KIAA1328: variants seen among roughly 807,000 people sequenced by gnomAD.
KIAA1328 encodes KIAA1328.
Under a neutral mutation model 68.1 loss-of-function variants are expected in KIAA1328, and 52 were observed. The ratio of observed to expected loss-of-function variants is 0.76; its 90% CI spans 0.61 to 0.96. The LOEUF is 0.96. Among genes scored for constraint, KIAA1328 ranks in the 40% least tolerant of loss-of-function variants. KIAA1328 has a pLI of 0.00. For synonymous variants in KIAA1328, 232 were observed against 239.4 expected (o/e 0.97, Z 0.28); for missense variants, 641 against 677.6 (o/e 0.95, Z 0.60).
At chr18:36,944,260 T>C (rs1246808967) in intron 5 of KIAA1328, among the ~76,000 whole-genome samples, 1 of 152,142 alleles carries the variant, frequency 6.6e-6, no homozygotes, top group African/African-American at 2.4e-5. Flanking sequence ...AGCCTCTGTA[T>C]TGAATTTGAA....
intron 7 of KIAA1328, among the ~76,000 whole-genome samples, chr18:37,126,891 T>C (rs1383271134): frequency 6.6e-6 from 1 of 151,968 alleles, no homozygotes; most frequent in Non-Finnish European, 1.5e-5. Context: ...CCATTCATGA[T>C]AAAAAAAATC....
rs33939558 is a variant in KIAA1328, at chr18:37,204,762, C to CA, written c.1524-17237dup. On this transcript the variant is annotated intron_variant, in intron 9 of 9. Coordinates refer to ENST00000280020, the MANE Select transcript of KIAA1328 (RefSeq NM_020776.3). The stretch of plus-strand genomic sequence containing the variant: ...CACATAATTAAAAAGGAGTTTCAGT[C>CA]AAAAAAAAAAAAAAAAAACACCTCT... Among the ~76,000 whole-genome samples the CA allele has an allele frequency of 5.3e-3, 544 of 103,334 alleles. 4 individuals carry two copies. The highest frequency in any genetic ancestry group is 0.012 in the East Asian group (41 of 3,450). 67.8% of individuals were successfully genotyped at this position (103,334 alleles called of 152,430 possible).
Position 37,222,557 on chromosome 18 carries a change from T to G in KIAA1328, c.*330T>G. On this transcript the variant is annotated 3_prime_UTR_variant, in exon 10 of 10. Transcript: ENST00000280020. The stretch of plus-strand genomic sequence containing the variant: ...TTCAAGAGTGTTTCCTTCTCAAACT[T>G]CTGCTAGAAAATGCTGACTCACTTT... 9.1e-7 allele frequency: 1 copy of G among 1,101,668 alleles called. No individual in the cohort carries two copies. Among genetic ancestry groups the G allele is most frequent in the Non-Finnish European group, 1.1e-6 (1 of 902,164 alleles). The allele number at this position is 1,101,668 out of a possible 1,614,324, so 68.2% of individuals were successfully genotyped here. A position where few individuals can be genotyped will look rare whatever the true frequency, so the allele number is the denominator to read the frequency against.
chr18:37,228,832 G>GA (rs961386540), downstream of KIAA1328, among the ~76,000 whole-genome samples: 23 of 146,000 alleles, frequency 1.6e-4, no homozygotes, highest in South Asian at 4.4e-4. Context: ...AAAAAAAAAA[G>GA]AAAAAAAAAA....
chr18:37,224,156 T>C lies in KIAA1328; in HGVS notation c.*1929T>C. On this transcript the variant is annotated 3_prime_UTR_variant, in exon 10 of 10. Transcript: ENST00000280020. Reference sequence around the variant, plus strand: ...CCCCCTGTGTCATGACTAGCTTAAGTGTACTTGACTCCCATAGACTACTCC... The same window carrying C: ...CCCCCTGTGTCATGACTAGCTTAAGCGTACTTGACTCCCATAGACTACTCC... The C allele has an allele frequency of 1.0e-6, 1 of 985,386 alleles. No homozygotes were observed. The highest frequency in any genetic ancestry group is 1.2e-6 in the Non-Finnish European group (1 of 829,920). The allele number at this position is 985,386 out of a possible 1,614,324, so 61.0% of individuals were successfully genotyped here. A position where few individuals can be genotyped will look rare whatever the true frequency, so the allele number is the denominator to read the frequency against.
chr18:36,954,835 C>T (rs2051338469), intron 5 of KIAA1328, among the ~76,000 whole-genome samples: 1 of 151,852 alleles, frequency 6.6e-6, no homozygotes, highest in Non-Finnish European at 1.5e-5. Flanking sequence ...GCTGGGATTA[C>T]AGGCGCCCAC....
chr18:36,864,597 T>TG (rs776638937), intron 4 of KIAA1328, among the ~76,000 whole-genome samples: 1 of 112,828 alleles, frequency 8.9e-6, no homozygotes, highest in Non-Finnish European at 2.2e-5. Flanking sequence ...GTCAGTAGTT[T>TG]TTTTTTTTTT....
chr18:37,142,651 T>A (rs1329822729), intron 7 of KIAA1328, among the ~76,000 whole-genome samples: 1 of 152,050 alleles, frequency 6.6e-6, no homozygotes, highest in East Asian at 1.9e-4. Flanking sequence ...CACACACAGA[T>A]TTATGGACTT....
intron 6 of KIAA1328, among the ~76,000 whole-genome samples, chr18:37,056,936 C>T (rs970545475): frequency 6.6e-6 from 1 of 152,204 alleles, no homozygotes; most frequent in African/African-American, 2.4e-5. Context: ...AGCCACCACG[C>T]CCAGCCTATA....
intron 7 of KIAA1328, among the ~76,000 whole-genome samples, chr18:37,119,036 G>A (rs1162458273): frequency 1.3e-5 from 2 of 152,154 alleles, no homozygotes. Flanking sequence ...ATGAACATGA[G>A]TCAATTACCA....
At chr18:36,954,429 A>G (rs931370345) in intron 5 of KIAA1328, 61 of 152,314 alleles carry the variant, frequency 4.0e-4, no homozygotes, top group African/African-American at 1.4e-3. Flanking sequence ...TCTATTTATT[A>G]GAGATCCTGA....
intron 6 of KIAA1328, among the ~76,000 whole-genome samples, chr18:37,042,573 C>T (rs2055299380): frequency 6.6e-6 from 1 of 152,098 alleles, no homozygotes; most frequent in East Asian, 1.9e-4. Context: ...ATCCCACTGC[C>T]TTTTGGCTTC....
At chr18:37,221,953 G>A (rs2060571424) in intron 9 of KIAA1328, 64 bp from the exon 10 acceptor site, 2 of 1,507,988 alleles carry the variant, frequency 1.3e-6, no homozygotes, top group African/African-American at 1.4e-5. Flanking sequence ...ATTTCTGCTG[G>A]GCTTCTTGAA....
chr18:37,081,984 T>C (rs1330595833), intron 7 of KIAA1328, among the ~76,000 whole-genome samples: 1 of 152,160 alleles, frequency 6.6e-6, no homozygotes, highest in African/African-American at 2.4e-5. Flanking sequence ...AGTTTCATTC[T>C]CCTTGTCTGA....
intron 4 of KIAA1328, among the ~76,000 whole-genome samples, chr18:36,881,337 T>C (rs1351049039): frequency 1.3e-5 from 2 of 152,188 alleles, no homozygotes; most frequent in Non-Finnish European, 2.9e-5. Context: ...ATTTTTGTTA[T>C]TTCCATTTTT....
chr18:37,182,975 G>A (rs2059726651), intron 9 of KIAA1328, among the ~76,000 whole-genome samples: 1 of 152,154 alleles, frequency 6.6e-6, no homozygotes, highest in Admixed American at 6.5e-5. Context: ...CTGAGTGACA[G>A]TGCCTCTGCC....
intron 6 of KIAA1328, among the ~76,000 whole-genome samples, chr18:37,042,745 T>A (rs2151629301): frequency 6.6e-6 from 1 of 152,176 alleles, no homozygotes; most frequent in East Asian, 1.9e-4. Flanking sequence ...ACTTACAATT[T>A]GTTGAGCTTC....
In KIAA1328 at chr18:37,115,824, T is replaced by C. The variant is rs1214465750; in HGVS notation, c.1233-44376T>C. On this transcript the variant is annotated intron_variant, in intron 7 of 9. Transcript: ENST00000280020. The stretch of plus-strand genomic sequence containing the variant: ...AAGCAATTTCAGCAAAGTCTCAGTA[T>C]ACAAAATGAATGTGCAAAAATCACA... 3.3e-5 allele frequency among the ~76,000 whole-genome samples: 5 copies of C among 152,214 alleles called. No individual in the cohort carries two copies. The East Asian group carries it at 9.6e-4, about 29-fold the overall frequency.
At chr18:37,032,738 T>G (rs1045171497) in intron 6 of KIAA1328, among the ~76,000 whole-genome samples, 2 of 152,164 alleles carry the variant, frequency 1.3e-5, no homozygotes, top group African/African-American at 2.4e-5. Flanking sequence ...GCCTCCCAGA[T>G]TCAAGCGATT....
Sources: allele counts gnomAD v4.1 joint callset (sites outside exome capture counted in the v4.1 genomes callset), GRCh38; gene constraint gnomAD v4.1.1; transcripts MANE v1.5; gene names NCBI Gene and HGNC (gene_info 2026-07-23, HGNC 2026-07-21).